The following RYR1 variants were observed in gnomAD, a reference collection of about 807,000 sequenced individuals.
RYR1 encodes the protein central core disease of muscle.
A neutral mutation model predicts 583.5 loss-of-function variants in RYR1; 342 were observed. The ratio of observed to expected loss-of-function variants is 0.59; its 90% CI spans 0.54 to 0.64. RYR1 has a LOEUF of 0.64. Among genes scored for constraint, RYR1 ranks in the 30% least tolerant of loss-of-function variants. RYR1 has a pLI of 0.00. For missense variants in RYR1, 6,032 were observed against 6,917.2 expected, an observed-to-expected ratio of 0.87 and a Z score of 4.54; for synonymous variants, 2,791 against 2,822.5, an observed-to-expected ratio of 0.99 and a Z score of 0.35.
intron 70 of RYR1, among the ~76,000 whole-genome samples, chr19:38,524,174 GA>G (rs1418790789): frequency 2.4e-5 from 3 of 125,412 alleles, no homozygotes; most frequent in African/African-American, 9.0e-5. Flanking sequence ...TTTTTTTCTG[GA>G]CTTTTGTTCC....
At chr19:38,567,009 G>T in intron 92 of RYR1, 22 bp downstream of exon 92, 1 of 1,569,082 alleles carries the variant, frequency 6.4e-7, no homozygotes, top group Admixed American at 1.9e-5. Context: ...TGGGGCTGAG[G>T]GGCCTAGCCC....
At chr19:38,562,284 C>T (rs1973181322) in intron 90 of RYR1, among the ~76,000 whole-genome samples, 1 of 151,036 alleles carries the variant, frequency 6.6e-6, no homozygotes, top group African/African-American at 2.5e-5. Context: ...CTTGAACATC[C>T]CTCACACACT....
At chr19:38,510,860 G>T (rs968702436) in intron 60 of RYR1, 79 bp downstream of exon 60, 1 of 1,598,794 alleles carries the variant, frequency 6.3e-7, no homozygotes, top group African/African-American at 1.3e-5. Flanking sequence ...CTCTGTCCTG[G>T]GTGCTGGGTG....
chr19:38,512,046 C>A lies in RYR1; in HGVS notation c.9173-26C>A, dbSNP rs1385306619. 6.2e-7 allele frequency: 1 copy of A among 1,609,770 alleles called. No homozygotes were observed. Among genetic ancestry groups the A allele is most frequent in the Middle Eastern group, 1.7e-4 (1 of 6,054 alleles). ...TCCTCTGTCCTCTTAGCCATGGCATCCCCCCGGCCCATCTTCCTCTCCCAG... is the reference window on the plus strand; with the variant it reads ...TCCTCTGTCCTCTTAGCCATGGCATACCCCCGGCCCATCTTCCTCTCCCAG... On this transcript the variant is annotated intron_variant, in intron 61 of 105. Coordinates refer to ENST00000359596, the MANE Select transcript of RYR1 (RefSeq NM_000540.3). This position sits in a 1 kb window ranked among gnomAD's most constrained non-coding sequence, Gnocchi z 5.1.
intron 67 of RYR1, among the ~76,000 whole-genome samples, chr19:38,521,676 G>A (rs1005972758): frequency 6.7e-6 from 1 of 148,782 alleles, no homozygotes; most frequent in Admixed American, 6.7e-5. Context: ...CAGCCTGGGC[G>A]ACAGAGCGAG....
Position 38,565,836 on chromosome 19 carries a change from C to T in RYR1, c.13437+65C>T, listed in dbSNP as rs1323233236. 1.5e-5 allele frequency: 20 copies of T among 1,346,540 alleles called. No individual in the cohort carries two copies. Among genetic ancestry groups the T allele is most frequent in the South Asian group, 1.9e-5 (1 of 53,442 alleles). The allele number at this position is 1,346,540 out of a possible 1,614,324, so 83.4% of individuals were successfully genotyped here. Reference sequence around the variant, plus strand: ...GGGGATTGGAGGGAGGAAGAGAGCCCGGCTGGGTGGAGACACACACAGAGG... The same window carrying T: ...GGGGATTGGAGGGAGGAAGAGAGCCTGGCTGGGTGGAGACACACACAGAGG... On this transcript the variant is annotated intron_variant, in intron 91 of 105. Transcript: ENST00000359596. The surrounding 1 kb of genome is among the most constrained non-coding windows in gnomAD (Gnocchi z 4.7).
At chr19:38,492,361 A>T in intron 37 of RYR1, 129 bp from the exon 38 acceptor site, 1 of 138,836 alleles carries the variant, frequency 7.2e-6, no homozygotes, top group Non-Finnish European at 1.2e-5. Flanking sequence ...ACACTGTCTC[A>T]AAAAAAAAAA....
At chr19:38,436,013 A>G (rs911617456) in intron 1 of RYR1, among the ~76,000 whole-genome samples, 6 of 151,366 alleles carry the variant, frequency 4.0e-5, no homozygotes, top group African/African-American at 1.5e-4. Flanking sequence ...GGTTCAAGCG[A>G]TTCTTCTGCC....
chr19:38,554,679 C>T (rs1456768744), intron 89 of RYR1, among the ~76,000 whole-genome samples: 1 of 151,770 alleles, frequency 6.6e-6, no homozygotes, highest in African/African-American at 2.4e-5. Context: ...CCCTATGTTG[C>T]CCAGGCTGGT....
rs568519125 is a variant in RYR1 at position 38,448,723 on chromosome 19, G to A, written c.1032G>A (p.Leu344=). 5.6e-6 allele frequency: 9 copies of A among 1,614,246 alleles called. No individual in the cohort carries two copies. The African/African-American group carries it at 6.7e-5, about 12-fold the overall frequency. ...CTGAGATCAAGTACGGGGAGTCACT[G>A]TGCTTCGTGCAGCATGTGGCCTCAG... is the stretch of plus-strand genomic sequence containing the variant. ...GPPEIKYGES[L]CFVQHVASGL... Residue 344 remains leucine, a synonymous_variant, in exon 11 of 106, where the codon CTG becomes CTA. Coordinates refer to ENST00000359596, the MANE Select transcript of RYR1 (RefSeq NM_000540.3).
intron 82 of RYR1, among the ~76,000 whole-genome samples, chr19:38,536,287 C>G (rs1429590436): frequency 6.8e-6 from 1 of 146,518 alleles, no homozygotes; most frequent in Non-Finnish European, 1.5e-5. Flanking sequence ...CTCCGCCCCC[C>G]CCCGCCACCA....
At chr19:38,555,086 G>A (rs1285569932) in intron 89 of RYR1, among the ~76,000 whole-genome samples, 2 of 151,938 alleles carry the variant, frequency 1.3e-5, no homozygotes, top group African/African-American at 2.4e-5. Context: ...CCAGCCCCCG[G>A]TAACCACTGA....
At chr19:38,534,955 G>C in intron 79 of RYR1, 136 bp downstream of exon 79, 2 of 1,116,286 alleles carry the variant, frequency 1.8e-6, no homozygotes, top group Non-Finnish European at 2.6e-6. Context: ...AGCCCTTGCA[G>C]CTTCCCCTTG....
intron 96 of RYR1, 88 bp from the exon 97 acceptor site, chr19:38,575,831 A>G (rs778903180): frequency 1.5e-6 from 2 of 1,379,280 alleles, no homozygotes; most frequent in Non-Finnish European, 2.1e-6. Flanking sequence ...AAAACAGTGG[A>G]GTTTCAGCCA....
chr19:38,506,521 G>T lies in RYR1; in HGVS notation c.8667G>T (p.Lys2889Asn). The T allele has an allele frequency of 6.8e-6, 11 of 1,614,100 alleles. No homozygotes were observed. Among genetic ancestry groups the T allele is most frequent in the Non-Finnish European group, 9.3e-6 (11 of 1,180,012 alleles). The change falls in exon 56 of 106, where the codon AAG (lysine) becomes AAT (asparagine). Residue 2889 changes from lysine to asparagine, a missense_variant. Lys to Asn is a moderately conservative substitution (Grantham distance 94). Coordinates refer to ENST00000359596, the MANE Select transcript of RYR1 (RefSeq NM_000540.3). ...ATTACCACAACACGTGGGGACGGAA[G>T]AAGAAGCAGGAGCTGGAAGCCAAAG... ...AENYHNTWGR[K>N]KKQELEAKGG...
At chr19:38,536,880 C>G in intron 83 of RYR1, 113 bp downstream of exon 83, 1 of 1,180,494 alleles carries the variant, frequency 8.5e-7, no homozygotes, top group Non-Finnish European at 1.3e-6. Context: ...AGGGAGGGAC[C>G]CTTCAGCAGG....
intron 89 of RYR1, among the ~76,000 whole-genome samples, chr19:38,556,256 G>A (rs1468662545): frequency 2.0e-5 from 3 of 151,984 alleles, no homozygotes; most frequent in Non-Finnish European, 4.4e-5. Flanking sequence ...GCCAAGGCGG[G>A]AGGATCACTT....
At chr19:38,566,804 T>TA in intron 91 of RYR1, 107 bp from the exon 92 acceptor site, 1 of 1,541,388 alleles carries the variant, frequency 6.5e-7, no homozygotes, top group Non-Finnish European at 8.8e-7. Flanking sequence ...GTGTAAAACT[T>TA]AGATTACCCA....
chr19:38,459,807 T>C (rs998206135), intron 19 of RYR1, among the ~76,000 whole-genome samples: 8 of 151,944 alleles, frequency 5.3e-5, no homozygotes, highest in African/African-American at 1.7e-4. Context: ...AATGACACCA[T>C]ACTCTCTCAA....
Sources: allele counts gnomAD v4.1 joint callset (sites outside exome capture counted in the v4.1 genomes callset), GRCh38; gene constraint gnomAD v4.1.1; non-coding constraint Gnocchi (gnomAD v3.1); transcripts MANE v1.5; gene names NCBI Gene and HGNC (gene_info 2026-07-23, HGNC 2026-07-21).